The following SPTLC3 variants were observed in gnomAD, a reference collection of about 807,000 sequenced individuals.
The protein encoded by SPTLC3 is serine palmitoyltransferase long chain base subunit 3.
A neutral mutation model predicts 59.3 loss-of-function variants in SPTLC3; 36 were observed. The observed-to-expected ratio is 0.61, with a 90% CI of 0.47 to 0.80. The LOEUF is 0.80. Among genes scored for constraint, SPTLC3 ranks in the 30% least tolerant of loss-of-function variants. The probability of loss-of-function intolerance (pLI) is 0.00; values close to 1 mark genes in which losing one functional copy is unlikely to be tolerated. For missense variants in SPTLC3, 625 were observed against 685.1 expected (o/e 0.91, Z 0.98); for synonymous variants, 257 against 240.8 (o/e 1.07, Z -0.62).
chr20:13,023,265 GCA>G (rs34054687), intron 1 of SPTLC3, among the ~76,000 whole-genome samples: 23,897 of 144,850 alleles, frequency 0.16, 2,026 homozygotes, highest in African/African-American at 0.22. Context: ...CTGCACATGT[GCA>G]CACACACACA....
intron 3 of SPTLC3, among the ~76,000 whole-genome samples, chr20:13,073,496 T>C (rs1437493159): frequency 6.6e-6 from 1 of 152,138 alleles, no homozygotes; most frequent in Non-Finnish European, 1.5e-5. Context: ...TTTTTTTTTT[T>C]ACATTTGGGA....
intron 7 of SPTLC3, among the ~76,000 whole-genome samples, chr20:13,110,747 G>A (rs899015592): frequency 6.6e-5 from 10 of 152,294 alleles, no homozygotes; most frequent in Middle Eastern, 3.4e-3. Context: ...CCAGCGGGTA[G>A]GAATGGGCTG....
Position 13,088,877 on chromosome 20 carries a change from C to T in SPTLC3, c.608-2206C>T, listed in dbSNP as rs62203592. 3.3e-5 allele frequency among the ~76,000 whole-genome samples: 5 copies of T among 149,362 alleles called. No homozygotes were observed. In the East Asian group the frequency reaches 8.0e-4, roughly 24 times the overall value. On this transcript the variant is annotated intron_variant, in intron 4 of 11. Coordinates refer to ENST00000399002, the MANE Select transcript of SPTLC3 (RefSeq NM_018327.4). ...AACTCCTGACCTTAGGTAATCTGCC[C>T]GCCTCAGTCTCCCAAAGTGCTGGGA... is the stretch of plus-strand genomic sequence containing the variant.
chr20:13,107,194 T>G (rs1484302186), intron 6 of SPTLC3, among the ~76,000 whole-genome samples: 5 of 152,200 alleles, frequency 3.3e-5, no homozygotes, highest in African/African-American at 1.2e-4. Context: ...TCAAAATCTC[T>G]GAGTAGAAAT....
intron 8 of SPTLC3, among the ~76,000 whole-genome samples, chr20:13,125,686 A>G (rs758046686): frequency 7.2e-5 from 11 of 152,202 alleles, no homozygotes; most frequent in Non-Finnish European, 1.3e-4. Flanking sequence ...TCTGTTCCAC[A>G]TGGTTGTCAT....
At chr20:13,090,996 G>T in intron 4 of SPTLC3, 87 bp from the exon 5 acceptor site, 1 of 1,539,416 alleles carries the variant, frequency 6.5e-7, no homozygotes, top group South Asian at 1.2e-5. Context: ...TAGGTCTTTT[G>T]GTGATGTGTA....
At chr20:13,044,544 A>G (rs990136924) in intron 1 of SPTLC3, among the ~76,000 whole-genome samples, 1 of 152,232 alleles carries the variant, frequency 6.6e-6, no homozygotes, top group South Asian at 2.1e-4. Flanking sequence ...GTCAATATAT[A>G]TGACCGAGAG....
chr20:13,142,949 G>A (rs2038420326), intron 9 of SPTLC3, among the ~76,000 whole-genome samples: 1 of 152,126 alleles, frequency 6.6e-6, no homozygotes, highest in Non-Finnish European at 1.5e-5. Flanking sequence ...CTTCAGAGAT[G>A]TTCACCTGTA....
intron 1 of SPTLC3, among the ~76,000 whole-genome samples, chr20:13,029,496 T>G (rs1253025200): frequency 6.6e-6 from 1 of 151,788 alleles, no homozygotes; most frequent in African/African-American, 2.4e-5. Flanking sequence ...TGGGAGAGGT[T>G]ATTTTTTCCT....
At chr20:13,088,217 T>C (rs1396767778) in intron 4 of SPTLC3, among the ~76,000 whole-genome samples, 1 of 152,256 alleles carries the variant, frequency 6.6e-6, no homozygotes, top group Non-Finnish European at 1.5e-5. Flanking sequence ...CCATAATATA[T>C]CTTTGATAAT....
chr20:13,057,237 C>T (rs372528590), intron 2 of SPTLC3, among the ~76,000 whole-genome samples: 1 of 152,156 alleles, frequency 6.6e-6, no homozygotes, highest in South Asian at 2.1e-4. Context: ...GTGCAGAATA[C>T]ACTGCCCCAC....
At chr20:13,048,847 C>A in intron 1 of SPTLC3, 98 bp from the exon 2 acceptor site, 2 of 1,057,404 alleles carry the variant, frequency 1.9e-6, no homozygotes, top group Non-Finnish European at 1.3e-6. Context: ...TTAAATATGG[C>A]CTTTGGAATT....
chr20:13,132,559 A>AGC, intron 9 of SPTLC3, among the ~76,000 whole-genome samples: 1 of 152,126 alleles, frequency 6.6e-6, no homozygotes, highest in African/African-American at 2.4e-5. Flanking sequence ...CTAAAAGGTA[A>AGC]ACTCCAGGAG....
In SPTLC3 at chr20:13,088,120, T is replaced by A. The variant is rs573508678; in HGVS notation, c.608-2963T>A. Among the ~76,000 whole-genome samples, 4 of 152,300 alleles carry A rather than the reference T, an allele frequency of 2.6e-5. No homozygotes were observed. The East Asian group carries it at 5.8e-4, about 22-fold the overall frequency. On this transcript the variant is annotated intron_variant, in intron 4 of 11. Transcript: ENST00000399002. ...CTGTCTGTTCTTGGAACCATTCCCA[T>A]TGGGAAGAAGCCTCTTTTAGGTAAA...
rs142648732 is a variant in SPTLC3 at position 13,028,268 on chromosome 20, C to A, written c.117+18884C>A. 3.7e-4 allele frequency among the ~76,000 whole-genome samples: 56 copies of A among 152,252 alleles called. No homozygotes were observed. The East Asian group carries it at 0.01, about 28-fold the overall frequency. ...TTTTTAAGATCTTAGTAATACATTT[C>A]TCAACAGGACCAGAAGTTTCTGTTC... On this transcript the variant is annotated intron_variant, in intron 1 of 11. Coordinates refer to ENST00000399002, the MANE Select transcript of SPTLC3 (RefSeq NM_018327.4).
chr20:13,163,105 C>T (rs1442441309), intron 11 of SPTLC3, among the ~76,000 whole-genome samples: 5 of 152,068 alleles, frequency 3.3e-5, no homozygotes, highest in African/African-American at 7.2e-5. Context: ...CAGTGGCTCA[C>T]GCCTATAATC....
intron 1 of SPTLC3, among the ~76,000 whole-genome samples, chr20:13,040,419 C>T (rs934088085): frequency 1.2e-4 from 18 of 151,518 alleles, no homozygotes; most frequent in South Asian, 4.2e-4. Context: ...AGTGCAGTGG[C>T]GCAATCTCGG....
At chr20:13,072,453 T>G in intron 3 of SPTLC3, 43 bp downstream of exon 3, 1 of 1,500,484 alleles carries the variant, frequency 6.7e-7, no homozygotes, top group Admixed American at 2.3e-5. Flanking sequence ...AGAAAAACCT[T>G]TCAAGGAAAT....
chr20:13,103,707 G>C (rs1395619947), intron 6 of SPTLC3, among the ~76,000 whole-genome samples: 1 of 152,242 alleles, frequency 6.6e-6, no homozygotes, highest in Non-Finnish European at 1.5e-5. Context: ...CCATAGGAGA[G>C]GGAGCAGGGG....
Sources: gnomAD v4.1 joint callset for allele counts (sites outside exome capture counted in the v4.1 genomes callset) on GRCh38, gnomAD v4.1.1 for gene constraint, MANE v1.5 for transcripts, NCBI Gene and HGNC (gene_info 2026-07-23, HGNC 2026-07-21) for gene names.